SUPT20H: variants seen among roughly 807,000 people sequenced by gnomAD.
SUPT20H encodes transcription factor SPT20 homolog.
A neutral mutation model predicts 122.8 loss-of-function variants in SUPT20H; 82 were observed. The ratio of observed to expected loss-of-function variants is 0.67; its 90% CI spans 0.56 to 0.80. The LOEUF is 0.80. Ranked by LOEUF, SUPT20H falls within the 30% of genes least tolerant of loss-of-function variation. The pLI is 0.00. For synonymous variants in SUPT20H, 291 were observed against 313.0 expected (o/e 0.93, Z 0.74); for missense variants, 831 against 921.6 (o/e 0.90, Z 1.27).
At chr13:37,036,511 G>A (rs901081051) in intron 9 of SUPT20H, among the ~76,000 whole-genome samples, 2 of 152,024 alleles carry the variant, frequency 1.3e-5, no homozygotes, top group Non-Finnish European at 2.9e-5. Flanking sequence ...TTTTAGAGAC[G>A]GGGTTTCACC....
Position 37,048,610 on chromosome 13 carries a change from TA to T in SUPT20H, c.4-12del, listed in dbSNP as rs775303825. The T allele has an allele frequency of 6.3e-7, 1 of 1,598,844 alleles. No homozygotes were observed. Among genetic ancestry groups the T allele is most frequent in the Non-Finnish European group, 8.5e-7 (1 of 1,173,936 alleles). On this transcript the variant is annotated splice_polypyrimidine_tract_variant and intron_variant, in intron 2 of 25. Coordinates refer to ENST00000350612, the MANE Select transcript of SUPT20H (RefSeq NM_001014286.3). ...TTCTAAAGCTTGTTGCTGTAAAAAG[TA>T]AATAGTATATTTGGTAATATTAGTT...
In SUPT20H at chr13:37,042,051, T is replaced by C. The variant is rs539899565; in HGVS notation, c.397-1359A>G. On this transcript the variant is annotated intron_variant, in intron 7 of 25. Coordinates refer to ENST00000350612, the MANE Select transcript of SUPT20H (RefSeq NM_001014286.3). Reference sequence around the variant, plus strand: ...AGCTTGGAGTGTTTTATTGTGGAAATGAGACAAGGATGGATGGAATGCAGC... The same window carrying C: ...AGCTTGGAGTGTTTTATTGTGGAAACGAGACAAGGATGGATGGAATGCAGC... Among the ~76,000 whole-genome samples the C allele has an allele frequency of 3.9e-5, 6 of 152,190 alleles. No homozygotes were observed. The South Asian group carries it at 1.2e-3, about 32-fold the overall frequency.
chr13:37,029,057 C>T (rs958206330), intron 13 of SUPT20H, among the ~76,000 whole-genome samples: 1 of 151,936 alleles, frequency 6.6e-6, no homozygotes, highest in African/African-American at 2.4e-5. Flanking sequence ...CCAGAGTTCA[C>T]CTAATTTAAA....
intron 5 of SUPT20H, among the ~76,000 whole-genome samples, chr13:37,046,233 A>G (rs918432467): frequency 2.6e-5 from 4 of 152,208 alleles, no homozygotes; most frequent in African/African-American, 9.6e-5. Flanking sequence ...AAAAAGGCAA[A>G]CAACTTTTAA....
rs1370727314 is a variant in SUPT20H, at chr13:37,055,495, T to A, written c.-93-3912A>T. On this transcript the variant is annotated intron_variant, in intron 1 of 25. Coordinates refer to ENST00000350612, the MANE Select transcript of SUPT20H (RefSeq NM_001014286.3). The stretch of plus-strand genomic sequence containing the variant: ...ACAACCATCTGATCTTTGACAAACC[T>A]GACCAAAACAAGCAATGGGGAAAGG... Among the ~76,000 whole-genome samples the A allele has an allele frequency of 2.6e-5, 4 of 152,310 alleles. No individual in the cohort carries two copies. The East Asian group carries it at 7.7e-4, about 29-fold the overall frequency.
Position 37,020,576 on chromosome 13 carries a change from A to G in SUPT20H, c.1816+872T>C, listed in dbSNP as rs116277053. 8.5e-3 allele frequency among the ~76,000 whole-genome samples: 1,289 copies of G among 152,200 alleles called. 20 individuals carry two copies. The highest frequency in any genetic ancestry group is 0.03 in the African/African-American group (1,241 of 41,562). ...TAAATATCCTAAGTTCAAGATGTGA[A>G]GTCCATTTCCAGGACTTCTCGCACT... On this transcript the variant is annotated intron_variant, in intron 21 of 25. Transcript: ENST00000350612.
At chr13:37,010,067 T>A (rs1426480969) in intron 25 of SUPT20H, among the ~76,000 whole-genome samples, 3 of 152,220 alleles carry the variant, frequency 2.0e-5, no homozygotes, top group African/African-American at 7.2e-5. Flanking sequence ...TTGTAGTAAC[T>A]CAGCAACTTC....
chr13:37,019,368 T>C lies in SUPT20H; in HGVS notation c.1846A>G (p.Ser616Gly), dbSNP rs1400803050. 1.2e-6 allele frequency: 2 copies of C among 1,605,034 alleles called. No individual in the cohort carries two copies. The highest frequency in any genetic ancestry group is 1.1e-5 in the South Asian group (1 of 88,934). ...GVPFGLKNTS[S>G]LRPLNLLQLP... ...TGGAGTAGATTTAAGGGCCTGAGAC[T>C]TGAAGTATTTTTTAAACCAAATGGA... The change falls in exon 22 of 26, where the codon AGT becomes GGT. Residue 616 changes from serine to glycine, a missense_variant. Physicochemically the swap from Ser to Gly is moderately conservative, Grantham distance 56. Coordinates refer to ENST00000350612, the MANE Select transcript of SUPT20H (RefSeq NM_001014286.3).
rs377290955 is a variant in SUPT20H at position 37,033,519 on chromosome 13, T to C, written c.637A>G (p.Ile213Val). The C allele has an allele frequency of 7.4e-6, 12 of 1,613,670 alleles. No individual in the cohort carries two copies. The highest frequency in any genetic ancestry group is 1.3e-5 in the African/African-American group (1 of 74,938). ...TAEPLCLDPS[I>V]AVTCTANRLL... The stretch of plus-strand genomic sequence containing the variant: ...CTGTTTGCAGTGCAGGTGACTGCTA[T>C]AGAAGGATCAAGACAGAGTGGTTCA... The change falls in exon 10 of 26, where the codon ATA becomes GTA. Residue 213 changes from isoleucine (I) to valine (V), a missense_variant. By Grantham distance (29) the Ile-to-Val change is conservative. Transcript: ENST00000350612.
At chr13:37,042,318 T>C (rs745661674) in intron 7 of SUPT20H, among the ~76,000 whole-genome samples, 5 of 152,006 alleles carry the variant, frequency 3.3e-5, no homozygotes, top group Non-Finnish European at 5.9e-5. Context: ...TCCAAGAAAA[T>C]ATGTAAGTTA....
intron 24 of SUPT20H, among the ~76,000 whole-genome samples, chr13:37,011,531 T>C (rs1279195567): frequency 6.6e-6 from 1 of 152,164 alleles, no homozygotes; most frequent in Non-Finnish European, 1.5e-5. Flanking sequence ...CAAACTCCTA[T>C]CATAGTTTTC....
intron 23 of SUPT20H, chr13:37,013,443 AAAAC>A (rs924978006): frequency 7.9e-5 from 12 of 152,062 alleles, no homozygotes; most frequent in African/African-American, 1.9e-4. Flanking sequence ...AAAACAAACA[AAAAC>A]AAAACACGGA....
At chr13:37,034,838 A>G (rs2138255651) in intron 9 of SUPT20H, among the ~76,000 whole-genome samples, 1 of 152,310 alleles carries the variant, frequency 6.6e-6, no homozygotes, top group East Asian at 1.9e-4. Flanking sequence ...GCTGAAGCCA[A>G]TGCTTATTTG....
intron 22 of SUPT20H, among the ~76,000 whole-genome samples, chr13:37,018,926 G>A (rs920983617): frequency 6.6e-6 from 1 of 152,154 alleles, no homozygotes; most frequent in Admixed American, 6.5e-5. Context: ...TGGGATTCTA[G>A]GTGTGAGCAA....
chr13:37,046,540 T>C (rs984024122), intron 5 of SUPT20H, among the ~76,000 whole-genome samples: 5 of 152,106 alleles, frequency 3.3e-5, no homozygotes, highest in African/African-American at 1.2e-4. Flanking sequence ...AACCAACAGG[T>C]GTGATGGGTT....
rs1159442065 is a variant in SUPT20H, at chr13:37,044,060, A to G, written c.396+18T>C. On this transcript the variant is annotated intron_variant, in intron 7 of 25. Transcript: ENST00000350612. ...ATATAACAAATATAAAGACATTTTA[A>G]AGACAAAAATTTTGTACCTGAGATT... is the stretch of plus-strand genomic sequence containing the variant. The G allele has an allele frequency of 6.4e-7, 1 of 1,566,126 alleles. No individual in the cohort carries two copies. Among genetic ancestry groups the G allele is most frequent in the East Asian group, 2.2e-5 (1 of 44,502 alleles).
At chr13:37,010,429 AT>A in intron 25 of SUPT20H, 122 bp downstream of exon 25, 3 of 829,232 alleles carry the variant, frequency 3.6e-6, no homozygotes. Context: ...AATTTGCTAA[AT>A]TATTTACCAA....
chr13:37,014,770 C>T (rs2060152279), intron 23 of SUPT20H, among the ~76,000 whole-genome samples: 1 of 152,148 alleles, frequency 6.6e-6, no homozygotes, highest in Non-Finnish European at 1.5e-5. Context: ...ATAATCTAAG[C>T]TTCCACTTAC....
At chr13:37,012,384 A>AAAT in intron 23 of SUPT20H, 87 bp from the exon 24 acceptor site, 1 of 1,063,322 alleles carries the variant, frequency 9.4e-7, no homozygotes, top group South Asian at 1.4e-5. Flanking sequence ...TTCCTATATG[A>AAAT]AAGAAAGCAG....
Sources: allele counts gnomAD v4.1 joint callset (sites outside exome capture counted in the v4.1 genomes callset), GRCh38; gene constraint gnomAD v4.1.1; transcripts MANE v1.5; gene names NCBI Gene and HGNC (gene_info 2026-07-23, HGNC 2026-07-21).